The following OLA1 variants were observed in gnomAD, a reference collection of about 807,000 sequenced individuals.
OLA1 encodes the protein Obg like ATPase 1.
In OLA1, 14 loss-of-function variants were observed where a neutral mutation model predicts 48.4. The observed-to-expected ratio is 0.29, with a 90% confidence interval of 0.19 to 0.45. The LOEUF (loss-of-function observed/expected upper bound fraction) is 0.45, where lower values mean the gene tolerates loss of function less well. OLA1 is among the 20% of genes least tolerant of loss of function. OLA1 has a pLI of 1.00. For missense variants in OLA1, 325 were observed against 467.1 expected (o/e 0.70, Z 2.80); for synonymous variants, 127 against 150.4 (o/e 0.84, Z 1.14).
intron 3 of OLA1, among the ~76,000 whole-genome samples, chr2:174,224,701 G>T (rs1356554473): frequency 6.6e-6 from 1 of 152,166 alleles, no homozygotes; most frequent in African/African-American, 2.4e-5. Context: ...AGTCTTCTGG[G>T]AGAACTTCTA....
At chr2:174,098,640 G>A (rs1206839827) in intron 7 of OLA1, among the ~76,000 whole-genome samples, 2 of 152,128 alleles carry the variant, frequency 1.3e-5, no homozygotes, top group Admixed American at 6.5e-5. Flanking sequence ...AGGGGGATAC[G>A]GGCCATGCCA....
intron 7 of OLA1, among the ~76,000 whole-genome samples, chr2:174,107,558 T>C (rs1685544675): frequency 6.6e-6 from 1 of 152,068 alleles, no homozygotes; most frequent in East Asian, 1.9e-4. Flanking sequence ...AAAGACAGTA[T>C]CCTAAAAACA....
At chr2:174,235,987 A>G (rs1688840499) in intron 2 of OLA1, among the ~76,000 whole-genome samples, 1 of 152,190 alleles carries the variant, frequency 6.6e-6, no homozygotes, top group South Asian at 2.1e-4. Flanking sequence ...GGGCTTAAGT[A>G]GCACCAGAGC....
chr2:174,220,672 T>C (rs1688480731), intron 4 of OLA1, among the ~76,000 whole-genome samples: 1 of 152,130 alleles, frequency 6.6e-6, no homozygotes, highest in Non-Finnish European at 1.5e-5. Context: ...CCAAGATGAG[T>C]ATTTGCATTT....
chr2:174,148,784 C>A (rs1480245232), intron 4 of OLA1, among the ~76,000 whole-genome samples: 1 of 152,176 alleles, frequency 6.6e-6, no homozygotes, highest in East Asian at 1.9e-4. Flanking sequence ...GACAACATCA[C>A]CCCTTCTACT....
intron 4 of OLA1, among the ~76,000 whole-genome samples, chr2:174,154,161 A>C (rs901744949): frequency 1.3e-5 from 2 of 152,118 alleles, no homozygotes; most frequent in African/African-American, 4.8e-5. Flanking sequence ...GAGCTGCTGC[A>C]CTCAGCCAAT....
At chr2:174,097,160 T>C (rs1685276361) in intron 7 of OLA1, among the ~76,000 whole-genome samples, 1 of 151,864 alleles carries the variant, frequency 6.6e-6, no homozygotes, top group African/African-American at 2.4e-5. Flanking sequence ...CGTCTCAAAA[T>C]AAATAAATTA....
chr2:174,075,526 G>C lies in OLA1; in HGVS notation c.1091C>G (p.Ala364Gly). Residue 364 changes from alanine (A) to glycine (G), a missense_variant and splice_region_variant, in exon 11 of 11, where the codon GCT (alanine) becomes GGT (glycine). By Grantham distance (60) the Ala-to-Gly change is moderately conservative. Coordinates refer to ENST00000284719, the MANE Select transcript of OLA1 (RefSeq NM_013341.5). ...KEEGSENAVK[A>G]AGKYRQQGRN... Reference sequence around the variant, plus strand: ...GCCTTGTTGTCTGTACTTTCCAGCAGCCTGCAAACAGAAAATATAGAGGAA... The same window carrying C: ...GCCTTGTTGTCTGTACTTTCCAGCACCCTGCAAACAGAAAATATAGAGGAA... 1 of 1,593,176 alleles carries C rather than the reference G, an allele frequency of 6.3e-7. No homozygotes were observed. Among genetic ancestry groups the C allele is most frequent in the Non-Finnish European group, 8.6e-7 (1 of 1,162,300 alleles).
chr2:174,173,377 C>T (rs897709069), intron 4 of OLA1, among the ~76,000 whole-genome samples: 19 of 152,196 alleles, frequency 1.2e-4, no homozygotes, highest in African/African-American at 3.4e-4. Context: ...ATTACCTATA[C>T]GGCGTGAGGT....
chr2:174,081,897 G>C, intron 8 of OLA1, 27 bp downstream of exon 8: 1 of 1,605,888 alleles, frequency 6.2e-7, no homozygotes, highest in East Asian at 2.2e-5. Flanking sequence ...TGATAATAAA[G>C]TGTAGGGAAA....
At chr2:174,164,329 G>T (rs74954580) in intron 4 of OLA1, among the ~76,000 whole-genome samples, 1 of 63,714 alleles carries the variant, frequency 1.6e-5, no homozygotes, top group Non-Finnish European at 2.9e-5. Context: ...AGGTTAGAAG[G>T]TTAGAGTTGG....
chr2:174,168,854 C>T (rs1406849000), intron 4 of OLA1, among the ~76,000 whole-genome samples: 1 of 151,112 alleles, frequency 6.6e-6, no homozygotes, highest in Non-Finnish European at 1.5e-5. Flanking sequence ...AAGAATATGT[C>T]AAAGATAAAT....
chr2:174,210,445 T>C (rs1307044947), intron 4 of OLA1, among the ~76,000 whole-genome samples: 1 of 152,286 alleles, frequency 6.6e-6, no homozygotes, highest in East Asian at 1.9e-4. Flanking sequence ...TATTACAAAG[T>C]TACAATTAAT....
chr2:174,106,925 CTG>C (rs1177521365), intron 7 of OLA1, among the ~76,000 whole-genome samples: 2 of 152,242 alleles, frequency 1.3e-5, no homozygotes, highest in African/African-American at 4.8e-5. Context: ...GTCACAGACT[CTG>C]TGGGAGGCTC....
At chr2:174,201,210 TA>T (rs1217340535) in intron 4 of OLA1, among the ~76,000 whole-genome samples, 11 of 152,200 alleles carry the variant, frequency 7.2e-5, no homozygotes, top group African/African-American at 2.7e-4. Context: ...CCATGAGTGT[TA>T]TAGTCAATTA....
rs541768464 is a variant in OLA1, at chr2:174,231,938, T to C, written c.102-2487A>G. Among the ~76,000 whole-genome samples the C allele has an allele frequency of 4.6e-5, 7 of 152,346 alleles. No individual in the cohort carries two copies. The East Asian group carries it at 9.6e-4, about 21-fold the overall frequency. ...TATGCCTGAAGTGTTAAAGCCCATA[T>C]GCTTTTTGTAAAATGAGAACTTTTT... is the stretch of plus-strand genomic sequence containing the variant. On this transcript the variant is annotated intron_variant, in intron 2 of 10. Transcript: ENST00000284719.
intron 4 of OLA1, among the ~76,000 whole-genome samples, chr2:174,217,199 A>G (rs1336942841): frequency 6.6e-6 from 1 of 152,146 alleles, no homozygotes; most frequent in Non-Finnish European, 1.5e-5. Context: ...TAAAATGTTA[A>G]GGCTCAAAAA....
rs1294013421 is a variant in OLA1 at position 174,177,731 on chromosome 2, AT to A, written c.374-35732del. 3.3e-5 allele frequency among the ~76,000 whole-genome samples: 5 copies of A among 151,946 alleles called. No individual in the cohort carries two copies. The South Asian group carries it at 1.0e-3, about 32-fold the overall frequency. ...AATCAAGTACATTTGGATTTCTTAA[AT>A]TTTTTTCAGACTTTTGACAAAGTCA... On this transcript the variant is annotated intron_variant, in intron 4 of 10. Coordinates refer to ENST00000284719, the MANE Select transcript of OLA1 (RefSeq NM_013341.5).
chr2:174,152,899 C>G (rs1305149057), intron 4 of OLA1, among the ~76,000 whole-genome samples: 1 of 152,094 alleles, frequency 6.6e-6, no homozygotes, highest in African/African-American at 2.4e-5. Context: ...TTGTTTAATG[C>G]TGGAATAGAA....
Sources: gnomAD v4.1 joint callset for allele counts (sites outside exome capture counted in the v4.1 genomes callset) on GRCh38, gnomAD v4.1.1 for gene constraint, MANE v1.5 for transcripts, NCBI Gene and HGNC (gene_info 2026-07-23, HGNC 2026-07-21) for gene names.